The following LYZL1 variants were observed in gnomAD, a reference collection of about 807,000 sequenced individuals.
The protein encoded by LYZL1 is lysozyme-like protein 1.
In LYZL1, 16 loss-of-function variants were observed where a neutral mutation model predicts 17.9. That is an observed-to-expected ratio of 0.90 (90% CI 0.61 to 1.36). The LOEUF is 1.36. Ranked by LOEUF, LYZL1 falls within the 40% of genes most tolerant of loss-of-function variation. LYZL1 has a pLI of 0.00. For synonymous variants in LYZL1, 58 were observed against 71.8 expected (o/e 0.81, Z 0.97); for missense variants, 149 against 188.4 (o/e 0.79, Z 1.22).
At chr10:29,293,996 AG>A (rs1228606259) in intron 3 of LYZL1, among the ~76,000 whole-genome samples, 5 of 152,218 alleles carry the variant, frequency 3.3e-5, no homozygotes, top group Admixed American at 6.5e-5. Flanking sequence ...AAAGAAAAAA[AG>A]AAAATCATGG....
At chr10:29,317,909 A>G (rs1045457607) in intron 4 of LYZL1, among the ~76,000 whole-genome samples, 9 of 150,976 alleles carry the variant, frequency 6.0e-5, no homozygotes, top group African/African-American at 2.0e-4. Context: ...ACAGCACCGC[A>G]CTCCAGACTG....
chr10:29,295,294 G>C (rs1180063196), intron 3 of LYZL1, among the ~76,000 whole-genome samples: 1 of 152,140 alleles, frequency 6.6e-6, no homozygotes. Context: ...TTCAAAACAA[G>C]TTTGCTTTAT....
At chr10:29,310,315 G>A in intron 4 of LYZL1, 127 bp downstream of exon 4, 1 of 671,902 alleles carries the variant, frequency 1.5e-6, no homozygotes, top group Non-Finnish European at 2.6e-6. Flanking sequence ...AGGAGACCTT[G>A]TCTATATTCT....
chr10:29,291,942 C>A lies in LYZL1; in HGVS notation c.75C>A (p.Cys25Ter). Residue 25 changes from cysteine (C) to a stop codon, truncating the protein, a stop_gained, in exon 2 of 5, where the codon TGC (cysteine) becomes TGA (stop). Transcript: ENST00000649382. LOFTEE classifies it high-confidence loss of function. ...CCGAGTCCAAAATCTACACTCGTTG[C>A]AAACTGGCAAAAATATTCTCGAGGG... ...TGAESKIYTR[C>*]KLAKIFSRAG... 2 of 1,593,584 alleles carry A rather than the reference C, an allele frequency of 1.3e-6. No individual in the cohort carries two copies. Among genetic ancestry groups the A allele is most frequent in the South Asian group, 2.2e-5 (2 of 89,230 alleles).
rs371809181 is a variant in LYZL1 at position 29,297,115 on chromosome 10, C to T, written c.298+4438C>T. On this transcript the variant is annotated intron_variant, in intron 3 of 4. Transcript: ENST00000649382. ...AAAAAAAAAAGAGAGAAAAAGGAAACATTCAGATAACCAAATAAAGAACCT... is the reference window on the plus strand; with the variant it reads ...AAAAAAAAAAGAGAGAAAAAGGAAATATTCAGATAACCAAATAAAGAACCT... Among the ~76,000 whole-genome samples, 18 of 125,830 alleles carry T rather than the reference C, an allele frequency of 1.4e-4. No homozygotes were observed. The East Asian group carries it at 3.3e-3, about 23-fold the overall frequency. 82.5% of individuals were successfully genotyped at this position (125,830 alleles called of 152,430 possible).
At chr10:29,289,417 CTT>C (rs11347424) in intron 1 of LYZL1, among the ~76,000 whole-genome samples, 187 bp downstream of exon 1, 72 of 128,670 alleles carry the variant, frequency 5.6e-4, no homozygotes, top group African/African-American at 1.1e-3. Context: ...TTTTTCTTTT[CTT>C]TTTTTTTTTT....
Position 29,305,686 on chromosome 10 carries a change from G to T in LYZL1, c.299-4424G>T, listed in dbSNP as rs143790310. ...GTAGAATTGTAAACCAAATGCCAGC[G>T]AATTTGCATATGTTGTTTCAATTGC... On this transcript the variant is annotated intron_variant, in intron 3 of 4. Transcript: ENST00000649382. Among the ~76,000 whole-genome samples, 21 of 152,304 alleles carry T rather than the reference G, an allele frequency of 1.4e-4. No homozygotes were observed. The East Asian group carries it at 4.0e-3, about 29-fold the overall frequency.
At chr10:29,295,565 A>G (rs974638107) in intron 3 of LYZL1, among the ~76,000 whole-genome samples, 10 of 152,276 alleles carry the variant, frequency 6.6e-5, no homozygotes, top group African/African-American at 2.2e-4. Flanking sequence ...TCCACTCTCT[A>G]ATCTCTGAAA....
intron 3 of LYZL1, among the ~76,000 whole-genome samples, chr10:29,302,494 T>C (rs960299036): frequency 1.3e-5 from 2 of 152,188 alleles, no homozygotes; most frequent in Admixed American, 1.3e-4. Flanking sequence ...AGTAAGCATG[T>C]TCTGGGCGGT....
chr10:29,316,879 G>A (rs1447586710), intron 3 of LYZL1, among the ~76,000 whole-genome samples: 1 of 151,926 alleles, frequency 6.6e-6, no homozygotes, highest in Non-Finnish European at 1.5e-5. Context: ...ACCACTCGCA[G>A]CTAACTTTTT....
At chr10:29,294,287 G>A (rs1413298181) in intron 3 of LYZL1, among the ~76,000 whole-genome samples, 1 of 152,170 alleles carries the variant, frequency 6.6e-6, no homozygotes, top group Non-Finnish European at 1.5e-5. Context: ...CCTGCAAGAG[G>A]AAACCAAGAG....
intron 3 of LYZL1, among the ~76,000 whole-genome samples, chr10:29,316,910 G>T (rs1299077021): frequency 6.6e-6 from 1 of 151,840 alleles, no homozygotes; most frequent in Non-Finnish European, 1.5e-5. Flanking sequence ...TAAATACAAG[G>T]TCTTGCTATG....
At chr10:29,302,234 C>T (rs1048041165) in intron 3 of LYZL1, among the ~76,000 whole-genome samples, 3 of 152,118 alleles carry the variant, frequency 2.0e-5, no homozygotes, top group African/African-American at 7.2e-5. Context: ...TGTAAGTCCT[C>T]GAGTCTTGTC....
intron 3 of LYZL1, among the ~76,000 whole-genome samples, chr10:29,302,875 C>T (rs1233836748): frequency 6.6e-6 from 1 of 152,140 alleles, no homozygotes; most frequent in Non-Finnish European, 1.5e-5. Flanking sequence ...TCTTTTCCAA[C>T]CAGCTAAGTT....
chr10:29,289,781 G>A (rs2493337), intron 1 of LYZL1, among the ~76,000 whole-genome samples: 95,608 of 151,570 alleles, frequency 0.63, 30,323 homozygotes, highest in East Asian at 0.8. Flanking sequence ...GCTGTACACA[G>A]CGGACTGGCA....
chr10:29,311,986 G>A (rs1180526399), downstream of LYZL1, among the ~76,000 whole-genome samples: 1 of 148,216 alleles, frequency 6.7e-6, no homozygotes, highest in Non-Finnish European at 1.5e-5. Context: ...GGGAGGGAAC[G>A]TTTTTTTTCC....
chr10:29,301,666 A>C (rs1835520468), intron 3 of LYZL1, among the ~76,000 whole-genome samples: 1 of 152,032 alleles, frequency 6.6e-6, no homozygotes, highest in African/African-American at 2.4e-5. Flanking sequence ...ATTTGTGTTT[A>C]TCTTACTTGG....
chr10:29,291,182 T>C (rs978258906), intron 1 of LYZL1, among the ~76,000 whole-genome samples: 6 of 152,204 alleles, frequency 3.9e-5, no homozygotes, highest in African/African-American at 1.4e-4. Context: ...ATAACATAAA[T>C]AGCCAATAAA....
chr10:29,310,699 C>A (rs1208264672), intron 4 of LYZL1, among the ~76,000 whole-genome samples: 2 of 152,158 alleles, frequency 1.3e-5, no homozygotes, highest in Non-Finnish European at 2.9e-5. Flanking sequence ...TGAACGTTGC[C>A]AGCCGGCCCC....
Sources: allele counts gnomAD v4.1 joint callset (sites outside exome capture counted in the v4.1 genomes callset), GRCh38; gene constraint gnomAD v4.1.1; transcripts MANE v1.5; gene names NCBI Gene and HGNC (gene_info 2026-07-23, HGNC 2026-07-21).